ATRNL1: variants seen among roughly 807,000 people sequenced by gnomAD.
ATRNL1 encodes the protein attractin-like protein 1.
ATRNL1 carries 95 observed loss-of-function variants against 182.7 expected under a neutral mutation model. That is an observed-to-expected ratio of 0.52 (90% CI 0.44 to 0.62). ATRNL1 has a LOEUF of 0.62. Ranked by LOEUF, ATRNL1 falls within the 20% of genes least tolerant of loss-of-function variation. The pLI is 0.00. For synonymous variants in ATRNL1, 576 were observed against 568.3 expected (o/e 1.01, Z -0.19); for missense variants, 1,471 against 1,679.5 (o/e 0.88, Z 2.17).
chr10:115,849,318 T>C (rs1482426218), intron 28 of ATRNL1, among the ~76,000 whole-genome samples: 2 of 152,164 alleles, frequency 1.3e-5, no homozygotes, highest in Non-Finnish European at 2.9e-5. Flanking sequence ...TCAGATAAGA[T>C]GGATAATTAT....
chr10:115,239,639 C>T (rs1479855459), intron 9 of ATRNL1, among the ~76,000 whole-genome samples: 1 of 152,110 alleles, frequency 6.6e-6, no homozygotes, highest in Non-Finnish European at 1.5e-5. Flanking sequence ...CTTAGAGTGA[C>T]ACCACTACTT....
chr10:115,561,704 G>GGTGGGTGTGT (rs1554999767), intron 26 of ATRNL1, among the ~76,000 whole-genome samples: 17 of 144,938 alleles, frequency 1.2e-4, no homozygotes, highest in African/African-American at 4.4e-4. Flanking sequence ...TGTGTGTGTG[G>GGTGGGTGTGT]GTGTGTGTGT....
intron 20 of ATRNL1, among the ~76,000 whole-genome samples, chr10:115,418,185 A>G (rs1377957066): frequency 6.6e-6 from 1 of 152,248 alleles, no homozygotes; most frequent in Non-Finnish European, 1.5e-5. Flanking sequence ...AACTTCAGTA[A>G]AATTCAGAGA....
chr10:115,466,496 C>CA (rs1209706580), intron 22 of ATRNL1, among the ~76,000 whole-genome samples: 13 of 151,068 alleles, frequency 8.6e-5, no homozygotes, highest in African/African-American at 3.1e-4. Flanking sequence ...AAGAAAATCA[C>CA]AAAAAACATT....
intron 21 of ATRNL1, among the ~76,000 whole-genome samples, chr10:115,456,492 C>A (rs370111791): frequency 6.6e-6 from 1 of 151,890 alleles, no homozygotes; most frequent in African/African-American, 2.4e-5. Flanking sequence ...CATGGGGTGA[C>A]GGGTAAGGTG....
chr10:115,591,172 C>A (rs541020475), intron 26 of ATRNL1, among the ~76,000 whole-genome samples: 11 of 152,204 alleles, frequency 7.2e-5, no homozygotes, highest in Non-Finnish European at 1.6e-4. Flanking sequence ...TGCACACACA[C>A]ATAGTAGCAA....
intron 8 of ATRNL1, among the ~76,000 whole-genome samples, chr10:115,179,449 C>T (rs1713135081): frequency 2.6e-5 from 4 of 152,138 alleles, no homozygotes; most frequent in Admixed American, 6.6e-5. Context: ...ACACTCCCTC[C>T]TCTTGCTTTT....
At position 115,426,192 on chromosome 10, in the gene ATRNL1, A is replaced by T. The variant is rs1367202574; in HGVS notation, c.3270-58A>T. ...ATAAATACTTTTTTGCTTGAAGAAA[A>T]ACATGAGGCTTTTGAATTGCATTGT... On this transcript the variant is annotated intron_variant, in intron 20 of 28. Coordinates refer to ENST00000355044, the MANE Select transcript of ATRNL1 (RefSeq NM_207303.4). The T allele has an allele frequency of 4.9e-6, 7 of 1,415,540 alleles. No individual in the cohort carries two copies. In the African/African-American group the frequency reaches 7.1e-5, roughly 14 times the overall value. 87.7% of individuals were successfully genotyped at this position (1,415,540 alleles called of 1,614,324 possible). A position where few individuals can be genotyped will look rare whatever the true frequency, so the allele number is the denominator to read the frequency against.
chr10:115,863,357 A>G (rs2907568), intron 28 of ATRNL1, among the ~76,000 whole-genome samples: 151,247 of 152,316 alleles, frequency 0.99, 75,100 homozygotes, highest in Middle Eastern at 1. Context: ...ATACTGTAAC[A>G]CCAAAAGCAA....
intron 21 of ATRNL1, among the ~76,000 whole-genome samples, chr10:115,443,642 A>T (rs1846811952): frequency 6.6e-6 from 1 of 152,044 alleles, no homozygotes; most frequent in South Asian, 2.1e-4. Context: ...ATTCTTTTAT[A>T]AAACCACAGT....
At chr10:115,550,537 C>A (rs1374920407) in intron 26 of ATRNL1, among the ~76,000 whole-genome samples, 1 of 151,826 alleles carries the variant, frequency 6.6e-6, no homozygotes, top group Non-Finnish European at 1.5e-5. Flanking sequence ...TGGAGTCCCT[C>A]CCTGTCTTCA....
intron 19 of ATRNL1, among the ~76,000 whole-genome samples, chr10:115,382,543 A>G (rs1003101184): frequency 1.3e-5 from 2 of 152,022 alleles, no homozygotes; most frequent in African/African-American, 4.8e-5. Flanking sequence ...TCCTGCTTAC[A>G]CATTGATTTG....
chr10:115,543,898 T>C (rs1554992831), intron 25 of ATRNL1, among the ~76,000 whole-genome samples: 1 of 152,178 alleles, frequency 6.6e-6, no homozygotes, highest in East Asian at 1.9e-4. Flanking sequence ...TTGTTTTCTT[T>C]CTTTCTTTCT....
chr10:115,679,343 T>C (rs536910756), intron 26 of ATRNL1, among the ~76,000 whole-genome samples: 1 of 152,058 alleles, frequency 6.6e-6, no homozygotes, highest in Non-Finnish European at 1.5e-5. Context: ...TCCAGGTTTG[T>C]TGTTCCTTTT....
At chr10:115,485,601 T>C (rs1848980738) in intron 24 of ATRNL1, among the ~76,000 whole-genome samples, 1 of 152,064 alleles carries the variant, frequency 6.6e-6, no homozygotes, top group Non-Finnish European at 1.5e-5. Context: ...ATGTGACTAA[T>C]TTTGTATCCT....
At chr10:115,142,374 A>G (rs1283107742) in intron 5 of ATRNL1, among the ~76,000 whole-genome samples, 1 of 152,188 alleles carries the variant, frequency 6.6e-6, no homozygotes, top group Non-Finnish European at 1.5e-5. Context: ...AAGGACCAGT[A>G]AAAAGGCCAT....
intron 28 of ATRNL1, among the ~76,000 whole-genome samples, chr10:115,939,734 A>C (rs1261989142): frequency 2.0e-5 from 3 of 152,120 alleles, no homozygotes; most frequent in Non-Finnish European, 4.4e-5. Flanking sequence ...TTCTGGAGTG[A>C]CCTGATTTTA....
At chr10:115,668,045 C>T (rs1365805765) in intron 26 of ATRNL1, among the ~76,000 whole-genome samples, 1 of 152,064 alleles carries the variant, frequency 6.6e-6, no homozygotes, top group African/African-American at 2.4e-5. Flanking sequence ...ATGGGAGAAG[C>T]AGCATGCACC....
chr10:115,873,185 A>G (rs568748553), intron 28 of ATRNL1, among the ~76,000 whole-genome samples: 1 of 152,228 alleles, frequency 6.6e-6, no homozygotes, highest in South Asian at 2.1e-4. Flanking sequence ...TATAACTTCT[A>G]CCTGTACTGT....
Sources: gnomAD v4.1 joint callset for allele counts (sites outside exome capture counted in the v4.1 genomes callset) on GRCh38, gnomAD v4.1.1 for gene constraint, MANE v1.5 for transcripts, NCBI Gene and HGNC (gene_info 2026-07-23, HGNC 2026-07-21) for gene names.